The following ADAM2 variants were observed in gnomAD, a reference collection of about 807,000 sequenced individuals.
ADAM2 encodes the protein ADAM metallopeptidase domain 2.
In ADAM2, 101 loss-of-function variants were observed where a neutral mutation model predicts 99.3. That is an observed-to-expected ratio of 1.02 (90% confidence interval 0.87 to 1.20). ADAM2 has a LOEUF of 1.20. ADAM2 is among the 50% of genes most tolerant of loss of function. ADAM2 has a pLI of 0.00. For missense variants in ADAM2, 948 were observed against 878.7 expected (o/e 1.08, Z -1.00); for synonymous variants, 323 against 287.6 (o/e 1.12, Z -1.25).
intron 18 of ADAM2, 81 bp from the exon 19 acceptor site, chr8:39,746,712 C>A: frequency 3.7e-6 from 4 of 1,087,602 alleles, no homozygotes; most frequent in East Asian, 2.6e-5. Flanking sequence ...CTACGTCTAC[C>A]AAAATAAAAT....
chr8:39,808,093 TGC>T (rs1017470612), intron 7 of ADAM2, among the ~76,000 whole-genome samples: 1 of 151,582 alleles, frequency 6.6e-6, no homozygotes, highest in Non-Finnish European at 1.5e-5. Flanking sequence ...AAGACAATAT[TGC>T]AAGAAAATAA....
At chr8:39,778,784 T>C (rs1395213453) in intron 10 of ADAM2, among the ~76,000 whole-genome samples, 1 of 151,984 alleles carries the variant, frequency 6.6e-6, no homozygotes, top group African/African-American at 2.4e-5. Flanking sequence ...AATTGAAGGA[T>C]TCAGCTAAAT....
Position 39,749,408 on chromosome 8 carries a change from A to G in ADAM2, c.1918T>C (p.Leu640=), listed in dbSNP as rs1163409177. The change falls in exon 18 of 21, where the codon TTA becomes CTA. Residue 640 remains leucine (L), a synonymous_variant. Transcript: ENST00000265708. ...GATTGAACTGAGCAATCTGGAGGTAAATATGAAGCACTACAGTGACAGTGC... is the reference window on the plus strand; with the variant it reads ...GATTGAACTGAGCAATCTGGAGGTAGATATGAAGCACTACAGTGACAGTGC... ...KKHCHCSASY[L]PPDCSVQSDL... The G allele has an allele frequency of 6.2e-7, 1 of 1,613,458 alleles. No individual in the cohort carries two copies. Among genetic ancestry groups the G allele is most frequent in the South Asian group, 1.1e-5 (1 of 91,036 alleles).
chr8:39,801,336 G>A (rs1451243406), intron 7 of ADAM2, among the ~76,000 whole-genome samples: 1 of 152,132 alleles, frequency 6.6e-6, no homozygotes, highest in Non-Finnish European at 1.5e-5. Context: ...ATTTGCTCCT[G>A]TGCATGGAGA....
At chr8:39,809,204 T>G (rs1804587044) in intron 7 of ADAM2, among the ~76,000 whole-genome samples, 2 of 152,202 alleles carry the variant, frequency 1.3e-5, no homozygotes, top group South Asian at 4.1e-4. Context: ...AGGTAGCAAT[T>G]ATTTTCTTTA....
chr8:39,781,291 G>A (rs74877196), intron 10 of ADAM2, among the ~76,000 whole-genome samples: 5,662 of 151,964 alleles, frequency 0.037, 340 homozygotes, highest in African/African-American at 0.13. Context: ...GTGTGTGTGC[G>A]CATGTGTGTG....
intron 14 of ADAM2, among the ~76,000 whole-genome samples, 194 bp downstream of exon 14, chr8:39,766,654 C>T (rs186213057): frequency 2.0e-3 from 303 of 152,108 alleles, no homozygotes; most frequent in Non-Finnish European, 3.3e-3. Context: ...GTGATCTGCC[C>T]GCCTCGGCCT....
chr8:39,826,431 A>C (rs1181439120), intron 3 of ADAM2, among the ~76,000 whole-genome samples: 1 of 152,190 alleles, frequency 6.6e-6, no homozygotes, highest in East Asian at 1.9e-4. Flanking sequence ...CCATATTAAA[A>C]AAGCACTCAA....
intron 10 of ADAM2, among the ~76,000 whole-genome samples, chr8:39,785,777 A>C (rs1190785264): frequency 6.7e-6 from 1 of 149,190 alleles, no homozygotes; most frequent in Non-Finnish European, 1.5e-5. Context: ...AGCCTGGATG[A>C]CAGAGACTCT....
intron 10 of ADAM2, among the ~76,000 whole-genome samples, chr8:39,782,924 C>T (rs561882985): frequency 2.6e-5 from 4 of 152,124 alleles, no homozygotes; most frequent in Non-Finnish European, 4.4e-5. Flanking sequence ...TAGCTTAACT[C>T]ACCATCTATA....
At position 39,793,229 on chromosome 8, in the gene ADAM2, T is replaced by C. The variant is rs140253126; in HGVS notation, c.571-4489A>G. 3.9e-3 allele frequency among the ~76,000 whole-genome samples: 595 copies of C among 152,292 alleles called. 4 individuals carry two copies. Among genetic ancestry groups the C allele is most frequent in the Middle Eastern group, 0.037 (11 of 294 alleles). On this transcript the variant is annotated intron_variant, in intron 7 of 20. Transcript: ENST00000265708. ...GTATTTAGGTCTGAAGTCTACGTTC[T>C]GTGCCTTTTAAATGTTAATTCTCTA... is the stretch of plus-strand genomic sequence containing the variant.
intron 7 of ADAM2, among the ~76,000 whole-genome samples, chr8:39,796,173 C>G (rs1803932765): frequency 1.3e-5 from 2 of 151,272 alleles, no homozygotes; most frequent in Non-Finnish European, 3.0e-5. Context: ...TTGACTCATC[C>G]TCTAAGTTCC....
intron 11 of ADAM2, among the ~76,000 whole-genome samples, chr8:39,770,585 A>G (rs1269487540): frequency 6.6e-6 from 1 of 152,210 alleles, no homozygotes; most frequent in South Asian, 2.1e-4. Flanking sequence ...TCCTTGTAAA[A>G]GATTTTAAAA....
At chr8:39,814,551 A>T (rs1228185011) in intron 6 of ADAM2, among the ~76,000 whole-genome samples, 1 of 152,206 alleles carries the variant, frequency 6.6e-6, no homozygotes, top group Non-Finnish European at 1.5e-5. Flanking sequence ...TATTACACTG[A>T]TCCATTTGCA....
chr8:39,812,210 A>C (rs1804732903), intron 6 of ADAM2, among the ~76,000 whole-genome samples: 1 of 152,168 alleles, frequency 6.6e-6, no homozygotes. Flanking sequence ...TAGGAATCCA[A>C]CTTACCAGGG....
rs757936597 is a variant in ADAM2 at position 39,787,010 on chromosome 8, C to A, written c.855G>T (p.Lys285Asn). 6.3e-6 allele frequency: 10 copies of A among 1,593,310 alleles called. No homozygotes were observed. In the Admixed American group the frequency reaches 8.6e-5, roughly 14 times the overall value. ...SNYVGATFQG[K>N]MCDANYAGGV... Reference sequence around the variant, plus strand: ...CTCCTGCATAGTTTGCATCACACATCTTCCCTTGAAAGGTTGCACCAACAT... The same window carrying A: ...CTCCTGCATAGTTTGCATCACACATATTCCCTTGAAAGGTTGCACCAACAT... Residue 285 changes from lysine to asparagine, a missense_variant, in exon 10 of 21, where the codon AAG (lysine) becomes AAT (asparagine). Coordinates refer to ENST00000265708, the MANE Select transcript of ADAM2 (RefSeq NM_001464.5).
intron 6 of ADAM2, among the ~76,000 whole-genome samples, chr8:39,811,676 C>A (rs1477843150): frequency 3.3e-5 from 5 of 152,116 alleles, no homozygotes; most frequent in Non-Finnish European, 7.4e-5. Context: ...AAGACAAAAA[C>A]CACATGATTA....
intron 6 of ADAM2, among the ~76,000 whole-genome samples, chr8:39,813,849 A>G (rs1283978728): frequency 1.3e-5 from 2 of 152,184 alleles, no homozygotes; most frequent in Admixed American, 6.5e-5. Context: ...GCACACCAAC[A>G]TGGCACGTGT....
chr8:39,767,305 ACAG>A, intron 12 of ADAM2, 54 bp from the exon 13 acceptor site: 2 of 1,426,794 alleles, frequency 1.4e-6, no homozygotes, highest in Non-Finnish European at 1.9e-6. Context: ...TTCATATTGG[ACAG>A]GCATGTTCAT....
Sources: gnomAD v4.1 joint callset for allele counts (sites outside exome capture counted in the v4.1 genomes callset) on GRCh38, gnomAD v4.1.1 for gene constraint, MANE v1.5 for transcripts, NCBI Gene and HGNC (gene_info 2026-07-23, HGNC 2026-07-21) for gene names.